Variants in KCNQ5 observed in about 807,000 individuals in gnomAD.
KCNQ5 encodes the protein potassium voltage-gated channel subfamily KQT member 5.
Under a neutral mutation model 98.2 loss-of-function variants are expected in KCNQ5, and 30 were observed. That is an observed-to-expected ratio of 0.31 (90% CI 0.23 to 0.41). The LOEUF is 0.41. Ranked by LOEUF, KCNQ5 falls within the 10% of genes least tolerant of loss-of-function variation. The pLI is 1.00. For missense variants in KCNQ5, 835 were observed against 1,182.5 expected, an observed-to-expected ratio of 0.71 and a Z score of 4.31; for synonymous variants, 458 against 449.4, an observed-to-expected ratio of 1.02 and a Z score of -0.24.
chr6:73,018,018 G>A (rs10943076), intron 2 of KCNQ5, among the ~76,000 whole-genome samples: 61,798 of 151,956 alleles, frequency 0.41, 15,618 homozygotes, highest in Non-Finnish European at 0.56. Flanking sequence ...TAAATCAGGT[G>A]AAATCAAGTA....
chr6:72,943,803 T>C (rs536180088), intron 1 of KCNQ5, among the ~76,000 whole-genome samples: 2 of 152,352 alleles, frequency 1.3e-5, no homozygotes, highest in Non-Finnish European at 2.9e-5. Context: ...ACAAAATGAC[T>C]GCTAAGATTT....
chr6:73,003,102 A>G (rs1395447607), intron 1 of KCNQ5, among the ~76,000 whole-genome samples: 1 of 152,204 alleles, frequency 6.6e-6, no homozygotes, highest in Non-Finnish European at 1.5e-5. Context: ...AGTAACTTCA[A>G]CTTTGAAACA....
chr6:73,055,604 C>G, intron 3 of KCNQ5: 1 of 1,308,970 alleles, frequency 7.6e-7, no homozygotes, highest in South Asian at 1.2e-5. Flanking sequence ...AGAAGTATTT[C>G]CCCAGATCAA....
intron 1 of KCNQ5, among the ~76,000 whole-genome samples, chr6:72,695,530 GTTA>G (rs774649071): frequency 1.3e-5 from 2 of 152,028 alleles, no homozygotes; most frequent in South Asian, 2.1e-4. Flanking sequence ...CTCTCTGAAT[GTTA>G]TTATCTTTAA....
intron 2 of KCNQ5, among the ~76,000 whole-genome samples, chr6:73,006,786 A>G (rs750101070): frequency 4.6e-5 from 7 of 152,236 alleles, no homozygotes; most frequent in Middle Eastern, 3.2e-3. Context: ...TAAATCCTAT[A>G]TCAAGATTGT....
chr6:73,188,861 T>C (rs561074137), intron 11 of KCNQ5, among the ~76,000 whole-genome samples: 1 of 151,682 alleles, frequency 6.6e-6, no homozygotes, highest in South Asian at 2.1e-4. Flanking sequence ...CACGTGCCTG[T>C]AATCCCAGCT....
chr6:73,195,454 A>C lies in KCNQ5; in HGVS notation c.*40A>C, dbSNP rs181672167. On this transcript the variant is annotated 3_prime_UTR_variant, in exon 14 of 14. Transcript: ENST00000370398. ...TTCCAGGCATAGCAGTTCTTTAGCC[A>C]TACATATCATTGCATGAACTATTTC... is the stretch of plus-strand genomic sequence containing the variant. 2.5e-6 allele frequency: 4 copies of C among 1,585,044 alleles called. No homozygotes were observed. In the African/African-American group the frequency reaches 5.4e-5, roughly 21 times the overall value.
chr6:73,040,381 G>A (rs1024849416), intron 2 of KCNQ5, among the ~76,000 whole-genome samples: 4 of 152,140 alleles, frequency 2.6e-5, no homozygotes, highest in Admixed American at 2.0e-4. Context: ...CCTAGGTTGG[G>A]CACAGGCACA....
At chr6:72,774,063 GA>G (rs1026134926) in intron 1 of KCNQ5, among the ~76,000 whole-genome samples, 7 of 149,824 alleles carry the variant, frequency 4.7e-5, no homozygotes, top group African/African-American at 1.5e-4. Context: ...TAGCCTTATG[GA>G]AAAAAAAATG....
intron 1 of KCNQ5, among the ~76,000 whole-genome samples, chr6:72,936,727 C>T (rs1765936287): frequency 6.6e-6 from 1 of 152,134 alleles, no homozygotes; most frequent in Non-Finnish European, 1.5e-5. Context: ...ATCTACTTAA[C>T]TCATTAAAAT....
intron 1 of KCNQ5, chr6:72,987,354 C>CA (rs1362687732): frequency 1.4e-6 from 1 of 716,714 alleles, no homozygotes; most frequent in African/African-American, 1.7e-5. Flanking sequence ...AAAGGCCTTG[C>CA]AAGGAGAGAT....
intron 1 of KCNQ5, among the ~76,000 whole-genome samples, chr6:72,749,999 A>C (rs114561729): frequency 0.011 from 1,682 of 152,276 alleles, 29 homozygotes; most frequent in African/African-American, 0.038. Context: ...TATAATTTTT[A>C]ATTGGAATGC....
intron 1 of KCNQ5, among the ~76,000 whole-genome samples, chr6:72,893,333 G>A (rs1779126174): frequency 1.3e-5 from 2 of 152,032 alleles, no homozygotes; most frequent in Admixed American, 1.3e-4. Flanking sequence ...TGTAAAATAA[G>A]GCTATCAAAA....
intron 1 of KCNQ5, among the ~76,000 whole-genome samples, chr6:72,951,888 A>G (rs1766825452): frequency 6.6e-6 from 1 of 152,170 alleles, no homozygotes; most frequent in Non-Finnish European, 1.5e-5. Flanking sequence ...ATCCAAATCC[A>G]TTAAATTAAA....
Position 73,194,601 on chromosome 6 carries a change from T to G in KCNQ5, c.1986T>G (p.Asp662Glu). Residue 662 changes from aspartate (D) to glutamate (E), a missense_variant, in exon 14 of 14, where the codon GAT becomes GAG. Around this residue, in one of 10 missense-constraint regions of KCNQ5, gnomAD observed 416 missense variants for 446.9 expected, o/e 0.93. Transcript: ENST00000370398. The stretch of plus-strand genomic sequence containing the variant: ...CATCTGACTATCAAAGCCCTGTGGA[T>G]AGCAAAGATCTTTCGGGTTCCGCAC... Reference protein sequence around the residue: ...EQTSDYQSPVDSKDLSGSAQN... With the variant: ...EQTSDYQSPVESKDLSGSAQN... The G allele has an allele frequency of 6.2e-7, 1 of 1,614,228 alleles. No individual in the cohort carries two copies. Among genetic ancestry groups the G allele is most frequent in the Non-Finnish European group, 8.5e-7 (1 of 1,180,040 alleles).
At chr6:72,861,836 A>AC (rs1300524063) in intron 1 of KCNQ5, among the ~76,000 whole-genome samples, 1 of 151,264 alleles carries the variant, frequency 6.6e-6, no homozygotes, top group Non-Finnish European at 1.5e-5. Flanking sequence ...ATAAAAAAAA[A>AC]AAACCTGGAT....
At chr6:72,864,482 T>C (rs1196179757) in intron 1 of KCNQ5, among the ~76,000 whole-genome samples, 1 of 152,180 alleles carries the variant, frequency 6.6e-6, no homozygotes, top group Non-Finnish European at 1.5e-5. Context: ...AAGCCACTTG[T>C]TTTTTCTTTA....
chr6:73,085,852 T>C (rs1442566270), intron 5 of KCNQ5, among the ~76,000 whole-genome samples: 1 of 152,210 alleles, frequency 6.6e-6, no homozygotes, highest in Non-Finnish European at 1.5e-5. Context: ...GCAAATGTAT[T>C]ATTGGAATGA....
intron 7 of KCNQ5, among the ~76,000 whole-genome samples, chr6:73,119,241 TAAC>T (rs1172744304): frequency 6.6e-6 from 1 of 152,162 alleles, no homozygotes; most frequent in Non-Finnish European, 1.5e-5. Context: ...GCTTTTCCAA[TAAC>T]AGTCTTCAAG....
Sources: allele counts gnomAD v4.1 joint callset (sites outside exome capture counted in the v4.1 genomes callset), GRCh38; gene constraint gnomAD v4.1.1; regional missense constraint gnomAD v4.1.1; transcripts MANE v1.5; gene names NCBI Gene and HGNC (gene_info 2026-07-23, HGNC 2026-07-21).